HEATR1: variants seen among roughly 807,000 people sequenced by gnomAD.
The protein encoded by HEATR1 is HEAT repeat containing 1, also known as HEAT repeat-containing protein 1.
In HEATR1, 77 loss-of-function variants were observed where a neutral mutation model predicts 248.2. The observed-to-expected ratio is 0.31, with a 90% confidence interval of 0.26 to 0.37. HEATR1 has a LOEUF of 0.37. Ranked by LOEUF, HEATR1 falls within the 10% of genes least tolerant of loss-of-function variation. The pLI is 1.00. For missense variants in HEATR1, 2,420 were observed against 2,504.9 expected (o/e 0.97, Z 0.72); for synonymous variants, 897 against 923.1 (o/e 0.97, Z 0.51).
Position 236,550,992 on chromosome 1 carries a change from T to TAAAAAAAAAAAAAA in HEATR1, c.6347-16_6347-3dup, listed in dbSNP as rs55866014. On this transcript the variant is annotated splice_polypyrimidine_tract_variant and splice_region_variant and intron_variant, in intron 44 of 44. Coordinates refer to ENST00000366582, the MANE Select transcript of HEATR1 (RefSeq NM_018072.6). The stretch of plus-strand genomic sequence containing the variant: ...GATGTTCTACTTCTTCACATTCATC[T>TAAAAAAAAAAAAAA]AAAAAAAAAAAAAAAAAATCAAAAT... The TAAAAAAAAAAAAAA allele has an allele frequency of 1.6e-6, 2 of 1,255,700 alleles. No individual in the cohort carries two copies. The highest frequency in any genetic ancestry group is 1.1e-6 in the Non-Finnish European group (1 of 934,636). The allele number at this position is 1,255,700 out of a possible 1,614,324, so 77.8% of individuals were successfully genotyped here.
chr1:236,570,136 A>AAAATTAGCCGG (rs1362250298), intron 28 of HEATR1, among the ~76,000 whole-genome samples: 1 of 152,096 alleles, frequency 6.6e-6, no homozygotes, highest in Non-Finnish European at 1.5e-5. Flanking sequence ...AAAATACAAA[A>AAAATTAGCCGG]AAATTAGCCG....
At position 236,598,501 on chromosome 1, in the gene HEATR1, TAA is replaced by T. The variant is rs150043894; in HGVS notation, c.502-524_502-523del. 7.7e-3 allele frequency among the ~76,000 whole-genome samples: 1,180 copies of T among 152,258 alleles called. 16 individuals are homozygous for T. The highest frequency in any genetic ancestry group is 0.026 in the African/African-American group (1,074 of 41,536). ...GTGAGTGGAGTTTGGCTACCTGCAA[TAA>T]GAGTGCCTAGGGAGCAGCAAGATCC... On this transcript the variant is annotated intron_variant, in intron 4 of 44. Transcript: ENST00000366582.
chr1:236,576,522 A>T (rs143305190), intron 21 of HEATR1, 145 bp from the exon 22 acceptor site: 198 of 713,826 alleles, frequency 2.8e-4, no homozygotes, highest in African/African-American at 2.0e-3. Flanking sequence ...AAGAAACGTT[A>T]TTAAAAACAC....
chr1:236,603,639 C>T (rs1424099486), intron 2 of HEATR1, among the ~76,000 whole-genome samples: 2 of 148,710 alleles, frequency 1.3e-5, no homozygotes, highest in Non-Finnish European at 3.0e-5. Flanking sequence ...CTAGGCCAGT[C>T]CTCTGAGAGG....
rs553154436 is a variant in HEATR1, at chr1:236,556,890, C to T, written c.5355+305G>A. On this transcript the variant is annotated intron_variant, in intron 37 of 44. Coordinates refer to ENST00000366582, the MANE Select transcript of HEATR1 (RefSeq NM_018072.6). The stretch of plus-strand genomic sequence containing the variant: ...ATCAATTTCCACAAGTAATAAAAGG[C>T]GGCTCTACCAGCCCAACTCCAAAGA... Among the ~76,000 whole-genome samples, 35 of 152,198 alleles carry T rather than the reference C, an allele frequency of 2.3e-4. No individual in the cohort carries two copies. In the East Asian group the frequency reaches 5.4e-3, roughly 24 times the overall value.
rs1273063955 is a variant in HEATR1, at chr1:236,591,994, T to C, written c.1421A>G (p.Gln474Arg). ...VSLSTSGGKYQFLADSDTSLM... is the reference protein window; with the variant it reads ...VSLSTSGGKYRFLADSDTSLM... ...TAATTCCTTTGGAGAACAACATACC[T>C]GATACTTTCCTCCACTTGTAGAAAG... Residue 474 changes from glutamine (Q) to arginine (R), a missense_variant and splice_region_variant, in exon 11 of 45, where the codon CAG (glutamine) becomes CGG (arginine). Transcript: ENST00000366582. 3 of 1,553,480 alleles carry C rather than the reference T, an allele frequency of 1.9e-6. No individual in the cohort carries two copies. Among genetic ancestry groups the C allele is most frequent in the Admixed American group, 1.7e-5 (1 of 59,810 alleles).
Position 236,586,416 on chromosome 1 carries a change from AATT to A in HEATR1, c.1749_1751del (p.Leu583_Ile584delinsPhe), listed in dbSNP as rs748033232. ...CATTTTCACTCAGTATCTCTTCTTT[AATT>A]AATATGTCAGCGGCTATCTTAAGTA... On this transcript the variant is annotated inframe_deletion, in exon 15 of 45. Transcript: ENST00000366582. 1.7e-5 allele frequency: 28 copies of A among 1,612,992 alleles called. No homozygotes were observed. In the East Asian group the frequency reaches 6.0e-4, roughly 35 times the overall value.
Position 236,582,735 on chromosome 1 carries a change from C to T in HEATR1, c.2562+1G>A. On this transcript the variant is annotated splice_donor_variant, in intron 19 of 44. Coordinates refer to ENST00000366582, the MANE Select transcript of HEATR1 (RefSeq NM_018072.6). LOFTEE classifies it high-confidence loss of function. The stretch of plus-strand genomic sequence containing the variant: ...ACGCCTGAAAAGGAGGAGGCTTGTA[C>T]CTTTATGAAAAGTTTCATCAGAACT... 6.2e-7 allele frequency: 1 copy of T among 1,614,130 alleles called. No individual in the cohort carries two copies. Among genetic ancestry groups the T allele is most frequent in the Non-Finnish European group, 8.5e-7 (1 of 1,179,992 alleles).
rs1662644802 is a variant in HEATR1, at chr1:236,549,980, CT to C, written c.*921del. On this transcript the variant is annotated 3_prime_UTR_variant, in exon 45 of 45. Coordinates refer to ENST00000366582, the MANE Select transcript of HEATR1 (RefSeq NM_018072.6). Reference sequence around the variant, plus strand: ...TAAACTTCTATATTAGCTTCAAAGGCTTTTAAACTCAATGCGAACATTCTAC... The same window carrying C: ...TAAACTTCTATATTAGCTTCAAAGGCTTTAAACTCAATGCGAACATTCTAC... 6.6e-6 allele frequency: 1 copy of C among 152,156 alleles called. No homozygotes were observed. The highest frequency in any genetic ancestry group is 1.5e-5 in the Non-Finnish European group (1 of 68,028). 9.4% of individuals were successfully genotyped at this position (152,156 alleles called of 1,614,324 possible). A position where few individuals can be genotyped will look rare whatever the true frequency, so the allele number is the denominator to read the frequency against.
At chr1:236,596,632 T>C (rs1664183743) in intron 6 of HEATR1, among the ~76,000 whole-genome samples, 1 of 152,198 alleles carries the variant, frequency 6.6e-6, no homozygotes, top group Admixed American at 6.5e-5. Flanking sequence ...ACAGCCAATA[T>C]TTATTCTTAA....
chr1:236,584,039 A>T (rs762525737), intron 17 of HEATR1, among the ~76,000 whole-genome samples: 6 of 152,236 alleles, frequency 3.9e-5, no homozygotes, highest in Non-Finnish European at 5.9e-5. Flanking sequence ...ACAGAGTAAT[A>T]ACTTAGAAGG....
intron 3 of HEATR1, among the ~76,000 whole-genome samples, chr1:236,601,440 T>A (rs2853620): frequency 0.54 from 81,402 of 151,956 alleles, 23,706 homozygotes; most frequent in Non-Finnish European, 0.65. Flanking sequence ...ACAGACAGGT[T>A]TTACCATGCT....
intron 5 of HEATR1, 69 bp downstream of exon 5, chr1:236,597,809 G>A: frequency 1.1e-6 from 1 of 949,906 alleles, no homozygotes; most frequent in Non-Finnish European, 1.7e-6. Context: ...GAATGTTTTA[G>A]TATGTTTTCT....
chr1:236,549,848 T>G lies in HEATR1; in HGVS notation c.*1054A>C, dbSNP rs1435795798. 1 of 152,228 alleles carries G rather than the reference T, an allele frequency of 6.6e-6. No individual in the cohort carries two copies. Among genetic ancestry groups the G allele is most frequent in the African/African-American group, 2.4e-5 (1 of 41,468 alleles). The allele number at this position is 152,228 out of a possible 1,614,324, so 9.4% of individuals were successfully genotyped here. ...AAAAAAATTTAAAAAGCTATTAGTA[T>G]TTATTAATGAATTTTACTGAGACAT... On this transcript the variant is annotated 3_prime_UTR_variant, in exon 45 of 45. Coordinates refer to ENST00000366582, the MANE Select transcript of HEATR1 (RefSeq NM_018072.6).
intron 1 of HEATR1, 31 bp from the exon 2 acceptor site, chr1:236,604,158 C>T: frequency 6.7e-7 from 1 of 1,499,552 alleles, no homozygotes; most frequent in Non-Finnish European, 8.9e-7. Context: ...TGATAAGTTT[C>T]TACGAAATTA....
intron 29 of HEATR1, among the ~76,000 whole-genome samples, chr1:236,568,501 C>A (rs1663332178): frequency 6.6e-6 from 1 of 152,144 alleles, no homozygotes; most frequent in Admixed American, 6.5e-5. Flanking sequence ...TTGAATTGTT[C>A]ATTCCTTACT....
intron 3 of HEATR1, 85 bp downstream of exon 3, chr1:236,603,075 T>G: frequency 2.0e-6 from 2 of 983,670 alleles, no homozygotes; most frequent in South Asian, 2.9e-5. Flanking sequence ...TTTTTCAGCT[T>G]TAATTTGATA....
chr1:236,576,194 T>C (rs1375260159), intron 22 of HEATR1, 25 bp downstream of exon 22: 3 of 1,555,824 alleles, frequency 1.9e-6, no homozygotes, highest in East Asian at 4.6e-5. Flanking sequence ...CACAGGAATG[T>C]ACAATCCACT....
rs55866014 is a variant in HEATR1 at position 236,550,992 on chromosome 1, T to TAAAA, written c.6347-6_6347-3dup. ...GATGTTCTACTTCTTCACATTCATC[T>TAAAA]AAAAAAAAAAAAAAAAAATCAAAAT... On this transcript the variant is annotated splice_polypyrimidine_tract_variant and splice_region_variant and intron_variant, in intron 44 of 44. Transcript: ENST00000366582. The TAAAA allele has an allele frequency of 6.8e-4, 856 of 1,254,344 alleles. No homozygotes were observed. The highest frequency in any genetic ancestry group is 7.9e-4 in the Non-Finnish European group (738 of 933,506). 77.7% of individuals were successfully genotyped at this position (1,254,344 alleles called of 1,614,324 possible). A position where few individuals can be genotyped will look rare whatever the true frequency, so the allele number is the denominator to read the frequency against.
Sources: gnomAD v4.1 joint callset for allele counts (sites outside exome capture counted in the v4.1 genomes callset) on GRCh38, gnomAD v4.1.1 for gene constraint, MANE v1.5 for transcripts, NCBI Gene and HGNC (gene_info 2026-07-23, HGNC 2026-07-21) for gene names.